The following GPHN variants were observed in gnomAD, a reference collection of about 807,000 sequenced individuals.
The protein encoded by GPHN is gephyrin.
Under a neutral mutation model 95.5 loss-of-function variants are expected in GPHN, and 17 were observed. The observed-to-expected ratio is 0.18, with a 90% CI of 0.12 to 0.27. The LOEUF (loss-of-function observed/expected upper bound fraction) is 0.27. GPHN is among the 10% of genes least tolerant of loss of function. The pLI is 1.00. For synonymous variants in GPHN, 320 were observed against 322.5 expected (o/e 0.99, Z 0.08); for missense variants, 660 against 978.1 (o/e 0.67, Z 4.34).
chr14:67,006,059 A>G (rs2072586685), intron 9 of GPHN, among the ~76,000 whole-genome samples: 2 of 124,810 alleles, frequency 1.6e-5, no homozygotes, highest in African/African-American at 9.1e-5. Flanking sequence ...GGCAATTACC[A>G]TAGTTTTTCT....
the GPHN span, chr14:67,302,368 GTAT>G: frequency 3.0e-5 from 39 of 1,281,998 alleles, no homozygotes; most frequent in Non-Finnish European, 4.0e-5. Flanking sequence ...AACAAAAATT[GTAT>G]TATTTTTATT....
chr14:67,344,318 G>A, the GPHN span, among the ~76,000 whole-genome samples: 6 of 152,136 alleles, frequency 3.9e-5, no homozygotes, highest in South Asian at 6.2e-4. Flanking sequence ...GTGTCTTCCC[G>A]GGTCAATCCT....
chr14:66,918,010 A>G (rs2066001870), intron 6 of GPHN, among the ~76,000 whole-genome samples: 1 of 152,198 alleles, frequency 6.6e-6, no homozygotes, highest in African/African-American at 2.4e-5. Flanking sequence ...AAAATTGCTC[A>G]TTTCTGACCC....
At chr14:67,283,255 T>C in the GPHN span, among the ~76,000 whole-genome samples, 1 of 152,222 alleles carries the variant, frequency 6.6e-6, no homozygotes, top group Non-Finnish European at 1.5e-5. Context: ...TCTTAATTAG[T>C]GTCTGCATAT....
intron 1 of GPHN, among the ~76,000 whole-genome samples, chr14:66,638,133 T>G (rs2064200985): frequency 6.6e-6 from 1 of 152,162 alleles, no homozygotes; most frequent in South Asian, 2.1e-4. Flanking sequence ...GCTGTTCTAT[T>G]ATTATTAGAA....
At chr14:67,579,728 G>T in the GPHN span, 2 of 1,612,670 alleles carry the variant, frequency 1.2e-6, no homozygotes, top group Non-Finnish European at 1.7e-6. Flanking sequence ...CAGGTGGTTG[G>T]TTTTGACGGC....
chr14:66,768,749 C>A (rs1595843685), intron 2 of GPHN, among the ~76,000 whole-genome samples: 1 of 151,758 alleles, frequency 6.6e-6, no homozygotes. Context: ...CATTATAGTC[C>A]AGAGTTATAC....
chr14:66,879,045 A>G (rs1022288851), intron 4 of GPHN, among the ~76,000 whole-genome samples: 1 of 152,144 alleles, frequency 6.6e-6, no homozygotes, highest in Non-Finnish European at 1.5e-5. Flanking sequence ...GGATGAGTTT[A>G]TGTCCTTTGC....
At chr14:66,758,796 A>G (rs943957202) in intron 2 of GPHN, among the ~76,000 whole-genome samples, 12 of 152,184 alleles carry the variant, frequency 7.9e-5, no homozygotes, top group South Asian at 6.2e-4. Flanking sequence ...GCCCAGAACT[A>G]GAATATTGAT....
At chr14:66,745,851 C>G (rs1255493038) in intron 2 of GPHN, among the ~76,000 whole-genome samples, 1 of 151,734 alleles carries the variant, frequency 6.6e-6, no homozygotes, top group South Asian at 2.1e-4. Flanking sequence ...TGTGATCTTT[C>G]TTAATAGTCA....
the GPHN span, chr14:67,385,043 C>T: frequency 3.7e-4 from 56 of 152,216 alleles, no homozygotes; most frequent in African/African-American, 1.3e-3. Flanking sequence ...ATACTGGTGG[C>T]GTCGATGGTG....
At chr14:67,236,926 A>G in the GPHN span, among the ~76,000 whole-genome samples, 1 of 151,946 alleles carries the variant, frequency 6.6e-6, no homozygotes, top group Admixed American at 6.6e-5. Flanking sequence ...TGTCTCTACT[A>G]AAAATTCAAA....
At chr14:67,023,705 C>G (rs2073780542) in intron 10 of GPHN, 30 bp downstream of exon 10, 1 of 1,568,430 alleles carries the variant, frequency 6.4e-7, no homozygotes, top group Non-Finnish European at 8.8e-7. Flanking sequence ...TGGTGGGCTG[C>G]TGAACTAGAG....
chr14:66,594,390 G>T (rs2061884112), intron 1 of GPHN, among the ~76,000 whole-genome samples: 1 of 152,122 alleles, frequency 6.6e-6, no homozygotes. Flanking sequence ...TAAAACTGGA[G>T]GCCTCATAGT....
intron 2 of GPHN, among the ~76,000 whole-genome samples, chr14:66,719,623 C>A (rs1282897104): frequency 6.6e-6 from 1 of 152,152 alleles, no homozygotes; most frequent in Non-Finnish European, 1.5e-5. Flanking sequence ...CTCTGTTCAT[C>A]CCAGTCAGAG....
At chr14:67,104,826 T>C (rs2077945949) in intron 13 of GPHN, among the ~76,000 whole-genome samples, 1 of 152,094 alleles carries the variant, frequency 6.6e-6, no homozygotes, top group Non-Finnish European at 1.5e-5. Context: ...TGTGGTTTTT[T>C]AGTCTCAATT....
chr14:66,623,665 G>A (rs1236773487), intron 1 of GPHN, among the ~76,000 whole-genome samples: 2 of 149,704 alleles, frequency 1.3e-5, no homozygotes, highest in African/African-American at 2.5e-5. Context: ...TGGTGTATGT[G>A]CCACTTTCTC....
chr14:67,729,213 A>G, the GPHN span: 16 of 1,612,442 alleles, frequency 9.9e-6, no homozygotes, highest in Non-Finnish European at 1.4e-5. Flanking sequence ...CCACCTACGC[A>G]GTGCACCCAG....
At chr14:67,235,156 CA>C in the GPHN span, among the ~76,000 whole-genome samples, 286 of 144,062 alleles carry the variant, frequency 2.0e-3, no homozygotes, top group Non-Finnish European at 2.9e-3. Flanking sequence ...AACTCCGTCT[CA>C]AAAAAAAAAA....
Sources: allele counts gnomAD v4.1 joint callset (sites outside exome capture counted in the v4.1 genomes callset), GRCh38; gene constraint gnomAD v4.1.1; transcripts MANE v1.5; gene names NCBI Gene and HGNC (gene_info 2026-07-23, HGNC 2026-07-21).